ATRNL1: variants seen among roughly 807,000 people sequenced by gnomAD.
ATRNL1 encodes attractin-like protein 1.
ATRNL1 carries 95 observed loss-of-function variants against 182.7 expected under a neutral mutation model. That is an observed-to-expected ratio of 0.52 (90% CI 0.44 to 0.62). The LOEUF (loss-of-function observed/expected upper bound fraction) is 0.62. Among genes scored for constraint, ATRNL1 ranks in the 20% least tolerant of loss-of-function variants. The pLI is 0.00. For missense variants in ATRNL1, 1,471 were observed against 1,679.5 expected (o/e 0.88, Z 2.17); for synonymous variants, 576 against 568.3 (o/e 1.01, Z -0.19).
chr10:115,260,053 C>T (rs1323484031), intron 10 of ATRNL1, among the ~76,000 whole-genome samples: 3 of 152,086 alleles, frequency 2.0e-5, no homozygotes, highest in South Asian at 2.1e-4. Context: ...CACTTCCTAC[C>T]GCTACATGTA....
chr10:115,744,969 G>A (rs2960648), intron 27 of ATRNL1, among the ~76,000 whole-genome samples: 144,663 of 152,222 alleles, frequency 0.95, 69,151 homozygotes, highest in East Asian at 1. Flanking sequence ...ATCACTGTTT[G>A]TTCTACAAGT....
chr10:115,596,337 C>T (rs1472697079), intron 26 of ATRNL1, among the ~76,000 whole-genome samples: 1 of 152,128 alleles, frequency 6.6e-6, no homozygotes, highest in Non-Finnish European at 1.5e-5. Context: ...AGCTCCCAAC[C>T]TCAAGGGATC....
chr10:115,608,682 A>G (rs1565209954), intron 26 of ATRNL1, among the ~76,000 whole-genome samples: 1 of 152,082 alleles, frequency 6.6e-6, no homozygotes, highest in Non-Finnish European at 1.5e-5. Context: ...GCCACTAAAT[A>G]GAAGTGTTTT....
chr10:115,286,365 G>A lies in ATRNL1; in HGVS notation c.2383G>A (p.Val795Ile). ...SLTTSKEVEF[V>I]LDEIQKYTQQ... ...AACAACCTCAAAAGAAGTAGAATTT[G>A]TTCTGGATGAAATACAGAAGTATAC... The change falls in exon 15 of 29, where the codon GTT (valine) becomes ATT (isoleucine). Residue 795 changes from valine (V) to isoleucine (I), a missense_variant. Physicochemically the swap from Val to Ile is conservative, Grantham distance 29. Around this residue, in one of 3 missense-constraint regions of ATRNL1, gnomAD observed 1,031 missense variants for 1,156.0 expected, o/e 0.89. Coordinates refer to ENST00000355044, the MANE Select transcript of ATRNL1 (RefSeq NM_207303.4). 2 of 1,603,032 alleles carry A rather than the reference G, an allele frequency of 1.2e-6. No homozygotes were observed. The highest frequency in any genetic ancestry group is 1.7e-6 in the Non-Finnish European group (2 of 1,172,598).
At chr10:115,305,435 A>C (rs1853679614) in intron 17 of ATRNL1, among the ~76,000 whole-genome samples, 1 of 152,026 alleles carries the variant, frequency 6.6e-6, no homozygotes, top group African/African-American at 2.4e-5. Flanking sequence ...ATCCTTTTTT[A>C]GGGATTGTGG....
chr10:115,620,241 CTT>C (rs1349780965), intron 26 of ATRNL1, among the ~76,000 whole-genome samples: 6 of 152,058 alleles, frequency 3.9e-5, no homozygotes, highest in African/African-American at 1.4e-4. Context: ...GTCTCAGACT[CTT>C]TTCAAGAAAC....
intron 27 of ATRNL1, among the ~76,000 whole-genome samples, chr10:115,767,201 C>A (rs1221614698): frequency 6.6e-6 from 1 of 152,138 alleles, no homozygotes; most frequent in East Asian, 1.9e-4. Context: ...CTTACCATAT[C>A]TTCAACTCTG....
At chr10:115,319,602 C>G (rs1424520041) in intron 18 of ATRNL1, among the ~76,000 whole-genome samples, 1 of 151,952 alleles carries the variant, frequency 6.6e-6, no homozygotes, top group South Asian at 2.1e-4. Flanking sequence ...GAATAGTTAA[C>G]TCTTCTTGTT....
intron 8 of ATRNL1, among the ~76,000 whole-genome samples, chr10:115,186,793 G>T (rs1847959647): frequency 6.6e-6 from 1 of 151,948 alleles, no homozygotes; most frequent in Non-Finnish European, 1.5e-5. Flanking sequence ...TGACTATAGT[G>T]AACAACAGTT....
At chr10:115,461,512 A>G (rs1220198172) in intron 21 of ATRNL1, among the ~76,000 whole-genome samples, 1 of 152,066 alleles carries the variant, frequency 6.6e-6, no homozygotes, top group African/African-American at 2.4e-5. Flanking sequence ...CATGTTTTCA[A>G]AGAATTTTGA....
intron 19 of ATRNL1, among the ~76,000 whole-genome samples, chr10:115,394,421 T>C (rs782733489): frequency 6.6e-5 from 10 of 151,956 alleles, no homozygotes; most frequent in Non-Finnish European, 1.3e-4. Flanking sequence ...ATAACAGTTA[T>C]ATCCACAGTA....
At position 115,128,775 on chromosome 10, in the gene ATRNL1, C is replaced by T. The variant is rs372162952; in HGVS notation, c.621-552C>T. Reference sequence around the variant, plus strand: ...CTGGGAGGCGGAGCTTTCAGTGAGCCGAGATCGCACCACTGCATTCCAGCC... The same window carrying T: ...CTGGGAGGCGGAGCTTTCAGTGAGCTGAGATCGCACCACTGCATTCCAGCC... On this transcript the variant is annotated intron_variant, in intron 4 of 28. Transcript: ENST00000355044. 8.0e-4 allele frequency among the ~76,000 whole-genome samples: 120 copies of T among 149,692 alleles called. 2 individuals are homozygous for T. In the South Asian group the frequency reaches 0.024, roughly 30 times the overall value.
chr10:115,160,013 T>G (rs782464004), intron 5 of ATRNL1, 27 bp from the exon 6 acceptor site: 3 of 1,531,140 alleles, frequency 2.0e-6, no homozygotes, highest in Non-Finnish European at 2.7e-6. Context: ...TTTAATCTAG[T>G]GTGTTGTTTC....
chr10:115,152,595 C>G (rs1846291043), intron 5 of ATRNL1, among the ~76,000 whole-genome samples: 1 of 152,176 alleles, frequency 6.6e-6, no homozygotes, highest in African/African-American at 2.4e-5. Flanking sequence ...AGTTGCTTAT[C>G]AGCTTAAGGA....
chr10:115,103,348 G>T (rs1554865112), intron 1 of ATRNL1, among the ~76,000 whole-genome samples: 1 of 151,882 alleles, frequency 6.6e-6, no homozygotes, highest in African/African-American at 2.4e-5. Context: ...CATATTTTTT[G>T]ATTTTATACC....
chr10:115,633,833 A>G (rs1858682658), intron 26 of ATRNL1, among the ~76,000 whole-genome samples: 1 of 152,130 alleles, frequency 6.6e-6, no homozygotes, highest in Non-Finnish European at 1.5e-5. Context: ...GACACCAGTG[A>G]TTTCTTGGAA....
chr10:115,596,720 A>G (rs1856265111), intron 26 of ATRNL1, among the ~76,000 whole-genome samples: 3 of 152,178 alleles, frequency 2.0e-5, no homozygotes, highest in Non-Finnish European at 1.5e-5. Flanking sequence ...ATGATAGACT[A>G]TGGGAAGTTT....
chr10:115,829,605 C>T (rs1283704142), intron 27 of ATRNL1, among the ~76,000 whole-genome samples: 1 of 151,976 alleles, frequency 6.6e-6, no homozygotes, highest in Non-Finnish European at 1.5e-5. Flanking sequence ...CCTTCCTGAG[C>T]TAGCATATAC....
At chr10:115,776,890 C>T (rs1281551301) in intron 27 of ATRNL1, among the ~76,000 whole-genome samples, 1 of 152,154 alleles carries the variant, frequency 6.6e-6, no homozygotes, top group Admixed American at 6.5e-5. Context: ...GGCGCGGCGG[C>T]TCACACCTGT....
Sources: gnomAD v4.1 joint callset for allele counts (sites outside exome capture counted in the v4.1 genomes callset) on GRCh38, gnomAD v4.1.1 for gene constraint, gnomAD v4.1.1 regional missense constraint, MANE v1.5 for transcripts, NCBI Gene and HGNC (gene_info 2026-07-23, HGNC 2026-07-21) for gene names.